The following GALNT11 variants were observed in gnomAD, a reference collection of about 807,000 sequenced individuals.
GALNT11 encodes the protein polypeptide N-acetylgalactosaminyltransferase 11, also known as UDP-GalNAc:polypeptide N-acetylgalactosaminyltransferase 11.
Under a neutral mutation model 72.7 loss-of-function variants are expected in GALNT11, and 47 were observed. That is an observed-to-expected ratio of 0.65 (90% CI 0.51 to 0.82). The LOEUF is 0.82. GALNT11 is among the 40% of genes least tolerant of loss of function. The pLI is 0.00. For missense variants in GALNT11, 677 were observed against 778.4 expected, an observed-to-expected ratio of 0.87 and a Z score of 1.55; for synonymous variants, 270 against 286.6, an observed-to-expected ratio of 0.94 and a Z score of 0.58.
At chr7:152,102,853 T>C (rs997663696) in intron 3 of GALNT11, among the ~76,000 whole-genome samples, 3 of 149,436 alleles carry the variant, frequency 2.0e-5, no homozygotes, top group African/African-American at 4.9e-5. Context: ...TGGTGTCGCA[T>C]GCCTGTAATC....
At chr7:152,068,529 CA>C (rs1439225391) in intron 1 of GALNT11, among the ~76,000 whole-genome samples, 4 of 152,128 alleles carry the variant, frequency 2.6e-5, no homozygotes, top group African/African-American at 9.7e-5. Flanking sequence ...GAAATTGGTA[CA>C]TTTTTTCTTG....
intron 1 of GALNT11, among the ~76,000 whole-genome samples, chr7:152,033,925 T>G (rs1371343317): frequency 6.6e-6 from 1 of 152,218 alleles, no homozygotes; most frequent in Admixed American, 6.5e-5. Flanking sequence ...CTGGGTTTGA[T>G]CTAACAGTAG....
intron 3 of GALNT11, among the ~76,000 whole-genome samples, chr7:152,102,698 C>A (rs1443926411): frequency 6.6e-6 from 1 of 151,594 alleles, no homozygotes; most frequent in African/African-American, 2.4e-5. Flanking sequence ...AGAGGCTGAA[C>A]AGGCTGGACG....
chr7:152,034,880 A>G (rs2082484996), intron 1 of GALNT11, among the ~76,000 whole-genome samples: 1 of 152,186 alleles, frequency 6.6e-6, no homozygotes. Flanking sequence ...CTCCTAGACC[A>G]CAAAGAGGAC....
chr7:152,098,307 G>T (rs1174736021), intron 2 of GALNT11, among the ~76,000 whole-genome samples: 1 of 151,934 alleles, frequency 6.6e-6, no homozygotes, highest in Non-Finnish European at 1.5e-5. Flanking sequence ...GTGTGGGGGC[G>T]CATGGCTGTA....
chr7:152,092,583 A>G (rs939806100), intron 1 of GALNT11, among the ~76,000 whole-genome samples: 1 of 152,088 alleles, frequency 6.6e-6, no homozygotes. Context: ...GTAGTAGAAT[A>G]CTTAATAGTT....
chr7:152,094,616 C>A lies in GALNT11; in HGVS notation c.295+94C>A. On this transcript the variant is annotated intron_variant, in intron 2 of 11. Transcript: ENST00000430044. The surrounding 1 kb of genome is among the most constrained non-coding windows in gnomAD (Gnocchi z 4.3). Reference sequence around the variant, plus strand: ...AATTAGGAGATCAGAAATGCTGCATCATTTTTTCCCCACTGATTTATTTTG... The same window carrying A: ...AATTAGGAGATCAGAAATGCTGCATAATTTTTTCCCCACTGATTTATTTTG... The A allele has an allele frequency of 7.4e-7, 1 of 1,358,224 alleles. No homozygotes were observed. The highest frequency in any genetic ancestry group is 9.9e-7 in the Non-Finnish European group (1 of 1,009,680). 84.1% of individuals were successfully genotyped at this position (1,358,224 alleles called of 1,614,324 possible). A position where few individuals can be genotyped will look rare whatever the true frequency, so the allele number is the denominator to read the frequency against.
intron 1 of GALNT11, among the ~76,000 whole-genome samples, chr7:152,033,260 T>C (rs1399117710): frequency 6.6e-6 from 1 of 152,186 alleles, no homozygotes; most frequent in Non-Finnish European, 1.5e-5. Context: ...TTTTAAAATG[T>C]CTTTGTAAAC....
At chr7:152,078,705 T>G (rs534844095) in intron 1 of GALNT11, among the ~76,000 whole-genome samples, 1 of 152,232 alleles carries the variant, frequency 6.6e-6, no homozygotes, top group Non-Finnish European at 1.5e-5. Flanking sequence ...AGAATTCTGC[T>G]GAGAGTAAGT....
Position 152,094,629 on chromosome 7 carries a change from C to G in GALNT11, c.295+107C>G, listed in dbSNP as rs1587313106. On this transcript the variant is annotated intron_variant, in intron 2 of 11. Coordinates refer to ENST00000430044, the MANE Select transcript of GALNT11 (RefSeq NM_022087.4). This position sits in a 1 kb window ranked among gnomAD's most constrained non-coding sequence, Gnocchi z 4.3. ...GAAATGCTGCATCATTTTTTCCCCACTGATTTATTTTGTTTGTGAACTACC... is the reference window on the plus strand; with the variant it reads ...GAAATGCTGCATCATTTTTTCCCCAGTGATTTATTTTGTTTGTGAACTACC... 6 of 1,293,200 alleles carry G rather than the reference C, an allele frequency of 4.6e-6. No homozygotes were observed. In the East Asian group the frequency reaches 1.5e-4, roughly 32 times the overall value. 80.1% of individuals were successfully genotyped at this position (1,293,200 alleles called of 1,614,324 possible).
chr7:152,109,309 T>C (rs748789584), intron 6 of GALNT11, among the ~76,000 whole-genome samples: 8 of 152,262 alleles, frequency 5.3e-5, no homozygotes, highest in East Asian at 1.9e-4. Flanking sequence ...AGCAGACATA[T>C]ATGTTCTTTC....
intron 1 of GALNT11, among the ~76,000 whole-genome samples, chr7:152,036,255 T>C (rs10267245): frequency 0.089 from 13,596 of 152,190 alleles, 1,152 homozygotes; most frequent in African/African-American, 0.21. Context: ...CTTCTCAGCC[T>C]CTGGTAACCA....
intron 10 of GALNT11, 141 bp from the exon 11 acceptor site, chr7:152,120,690 G>A (rs2129081440): frequency 1.4e-6 from 1 of 717,036 alleles, no homozygotes; most frequent in Non-Finnish European, 2.3e-6. Context: ...GAACCAAGTT[G>A]AAATCTGCTT....
intron 1 of GALNT11, among the ~76,000 whole-genome samples, chr7:152,053,123 CT>C (rs1445421460): frequency 6.6e-6 from 1 of 152,040 alleles, no homozygotes; most frequent in African/African-American, 2.4e-5. Context: ...TTTTTTTTCC[CT>C]CTGTTCCAAA....
chr7:152,033,107 CCT>C (rs1307166829), intron 1 of GALNT11, among the ~76,000 whole-genome samples: 1 of 152,200 alleles, frequency 6.6e-6, no homozygotes, highest in Non-Finnish European at 1.5e-5. Flanking sequence ...CCCGAGGCAC[CCT>C]CAAGTCCTGT....
chr7:152,117,149 A>G lies in GALNT11; in HGVS notation c.1234-8A>G, dbSNP rs1193070010. On this transcript the variant is annotated splice_polypyrimidine_tract_variant and splice_region_variant and intron_variant, in intron 8 of 11. Transcript: ENST00000430044. ...CGATTTTCTTATTTTTACTTTTTTT[A>G]AATTCAGGAGCAGTATTTTTCCTTA... 1.9e-6 allele frequency: 3 copies of G among 1,571,138 alleles called. No homozygotes were observed. In the East Asian group the frequency reaches 6.7e-5, roughly 35 times the overall value.
At chr7:152,101,639 T>C (rs1402147590) in intron 3 of GALNT11, among the ~76,000 whole-genome samples, 1 of 129,460 alleles carries the variant, frequency 7.7e-6, no homozygotes, top group Non-Finnish European at 1.6e-5. Flanking sequence ...CATGGCTTTT[T>C]TTTGGGGGGG....
chr7:152,108,025 G>C lies in GALNT11; in HGVS notation c.713-13G>C, dbSNP rs762231031. The C allele has an allele frequency of 3.8e-6, 6 of 1,599,568 alleles. No homozygotes were observed. The highest frequency in any genetic ancestry group is 5.1e-6 in the Non-Finnish European group (6 of 1,168,890). ...TGTGACACTCTCCTGAGCCTCTGTT[G>C]TTTCCTCCCCAGGAGAAGTCCTTGT... On this transcript the variant is annotated splice_polypyrimidine_tract_variant and intron_variant, in intron 5 of 11. Coordinates refer to ENST00000430044, the MANE Select transcript of GALNT11 (RefSeq NM_022087.4).
intron 1 of GALNT11, among the ~76,000 whole-genome samples, chr7:152,045,154 A>G (rs937002806): frequency 6.6e-6 from 1 of 152,094 alleles, no homozygotes; most frequent in Non-Finnish European, 1.5e-5. Flanking sequence ...ATGATGAATG[A>G]TCTTTTTAAT....
Sources: allele counts gnomAD v4.1 joint callset (sites outside exome capture counted in the v4.1 genomes callset), GRCh38; gene constraint gnomAD v4.1.1; non-coding constraint Gnocchi (gnomAD v3.1); transcripts MANE v1.5; gene names NCBI Gene and HGNC (gene_info 2026-07-23, HGNC 2026-07-21).